ARL17A: variants seen among roughly 807,000 people sequenced by gnomAD.
ARL17A encodes ARF like GTPase 17A, also known as ADP-ribosylation factor-like 17-like.
intron 3 of ARL17A, among the ~76,000 whole-genome samples, chr17:46,540,480 C>T (rs1467444699): frequency 1.4e-5 from 2 of 147,828 alleles, no homozygotes; most frequent in Non-Finnish European, 1.5e-5. Flanking sequence ...AACATGTAGA[C>T]ACATGGAGGA....
the ARL17A span, among the ~76,000 whole-genome samples, chr17:46,502,525 C>G: frequency 6.6e-6 from 1 of 150,978 alleles, no homozygotes; most frequent in Non-Finnish European, 1.5e-5. Context: ...TGGTCTCGAA[C>G]TCCTGACCTC....
At chr17:46,532,110 G>A (rs113652086) in intron 4 of ARL17A, among the ~76,000 whole-genome samples, 11,151 of 135,952 alleles carry the variant, frequency 0.082, 5 homozygotes, top group Non-Finnish European at 0.13. Context: ...CGTTTATCAG[G>A]CTGCTCTCGA....
At chr17:46,542,823 C>A (rs538422412) in intron 3 of ARL17A, among the ~76,000 whole-genome samples, 1 of 150,758 alleles carries the variant, frequency 6.6e-6, no homozygotes, top group African/African-American at 2.5e-5. Context: ...ATATGGCAAG[C>A]TAAATAGAGA....
At chr17:46,542,629 A>T (rs2145613522) in intron 3 of ARL17A, among the ~76,000 whole-genome samples, 1 of 150,422 alleles carries the variant, frequency 6.6e-6, no homozygotes, top group South Asian at 2.1e-4. Context: ...CAGGAGGTGG[A>T]GGTTGCAGTG....
rs374197455 is a variant in ARL17A, at chr17:46,533,993, T to G, written c.335+4358A>C. On this transcript the variant is annotated intron_variant, in intron 4 of 4. Coordinates refer to the ARL17A transcript ENST00000329240. ...ACTTTGAATATGCCATTTCATTGCCTTTTGTCCTCCAGTGTTGTGTGTGGT... is the reference window on the plus strand; with the variant it reads ...ACTTTGAATATGCCATTTCATTGCCGTTTGTCCTCCAGTGTTGTGTGTGGT... 6.2e-4 allele frequency among the ~76,000 whole-genome samples: 77 copies of G among 123,562 alleles called. No individual in the cohort carries two copies. The East Asian group carries it at 0.015, about 24-fold the overall frequency. 81.1% of individuals were successfully genotyped at this position (123,562 alleles called of 152,430 possible).
intron 2 of ARL17A, among the ~76,000 whole-genome samples, chr17:46,573,060 C>T (rs1209311098): frequency 9.9e-5 from 11 of 111,672 alleles, no homozygotes; most frequent in Admixed American, 4.9e-4. Context: ...TAGCGGCTTC[C>T]CACACCCAAA....
chr17:46,548,335 C>G, downstream of ARL17A: 1 of 485,262 alleles, frequency 2.1e-6, no homozygotes, highest in Non-Finnish European at 3.3e-6. Flanking sequence ...GGTAGGGAAT[C>G]CAGAAGGAGC....
chr17:46,545,218 G>GCC (rs2145698822), intron 3 of ARL17A, among the ~76,000 whole-genome samples: 2 of 136,060 alleles, frequency 1.5e-5, no homozygotes, highest in South Asian at 4.5e-4. Flanking sequence ...GATTGCTTGA[G>GCC]CCCAGGAGTT....
rs1314412757 is a variant in ARL17A at position 46,532,225 on chromosome 17, AAAAC to A, written c.336-3370_336-3367del. Among the ~76,000 whole-genome samples, 55 of 148,792 alleles carry A rather than the reference AAAAC, an allele frequency of 3.7e-4. No homozygotes were observed. In the East Asian group the frequency reaches 9.6e-3, roughly 26 times the overall value. On this transcript the variant is annotated intron_variant, in intron 4 of 4. Transcript: ENST00000329240. ...ATAAATGAAAACTTTTTCACTCAAA[AAAAC>A]AACAATTGTAGTGAAACCATAGATC...
At chr17:46,558,821 G>A (rs1329541527) in intron 3 of ARL17A, 1 of 123,536 alleles carries the variant, frequency 8.1e-6, no homozygotes, top group African/African-American at 3.1e-5. Flanking sequence ...CCCAGAAAAA[G>A]GGACCTCTTT....
intron 2 of ARL17A, among the ~76,000 whole-genome samples, chr17:46,573,048 C>T (rs1216428854): frequency 5.2e-5 from 6 of 114,874 alleles, no homozygotes; most frequent in African/African-American, 2.1e-4. Context: ...AAGATGTCCC[C>T]TTAGCGGCTT....
intron 3 of ARL17A, among the ~76,000 whole-genome samples, chr17:46,541,247 G>A (rs1207808714): frequency 1.3e-5 from 2 of 150,432 alleles, no homozygotes; most frequent in Non-Finnish European, 2.9e-5. Flanking sequence ...CTTTCACAAA[G>A]CCTAATTTTT....
chr17:46,522,483 C>T (rs2052402212), intron 3 of ARL17A, among the ~76,000 whole-genome samples: 3 of 121,958 alleles, frequency 2.5e-5, no homozygotes, highest in East Asian at 2.4e-4. Context: ...CTCGCTCTGT[C>T]GCCCAGGCTG....
chr17:46,532,281 C>A (rs998128256), intron 4 of ARL17A, among the ~76,000 whole-genome samples: 1 of 149,604 alleles, frequency 6.7e-6, no homozygotes, highest in Non-Finnish European at 1.5e-5. Context: ...CTATTATTAT[C>A]TGCTTCATGT....
At position 46,535,234 on chromosome 17, in the gene ARL17A, T is replaced by C. The variant is rs1393946717; in HGVS notation, c.335+3117A>G. ...GAAGAGAAATTAGCTATTAATCTTATTGAGGATCCCTTGTATGTGATGAGT... is the reference window on the plus strand; with the variant it reads ...GAAGAGAAATTAGCTATTAATCTTACTGAGGATCCCTTGTATGTGATGAGT... On this transcript the variant is annotated intron_variant, in intron 4 of 4. Transcript: ENST00000329240. Among the ~76,000 whole-genome samples the C allele has an allele frequency of 1.7e-4, 25 of 148,854 alleles. 1 individual carries two copies. Among genetic ancestry groups the C allele is most frequent in the Non-Finnish European group, 2.9e-4 (20 of 67,870 alleles).
At chr17:46,516,302 C>CA (rs1159712527), downstream of ARL17A, among the ~76,000 whole-genome samples, 1,703 of 63,116 alleles carry the variant, frequency 0.027, 557 homozygotes, top group Non-Finnish European at 0.049. Flanking sequence ...GACTCCATCT[C>CA]AAAAAAAAAA....
At chr17:46,505,707 C>CT in the ARL17A span, among the ~76,000 whole-genome samples, 14 of 41,252 alleles carry the variant, frequency 3.4e-4, no homozygotes, top group Admixed American at 3.3e-3. Context: ...AAGTGATCCT[C>CT]TTCCCCCAGG....
intron 3 of ARL17A, among the ~76,000 whole-genome samples, chr17:46,543,896 T>G (rs1344062118): frequency 1.1e-4 from 17 of 148,886 alleles, no homozygotes; most frequent in Non-Finnish European, 2.2e-4. Context: ...GAGAGAGGGT[T>G]GCTTGTGCCC....
chr17:46,545,471 TTGG>T (rs2056155578), intron 3 of ARL17A, among the ~76,000 whole-genome samples: 1 of 113,840 alleles, frequency 8.8e-6, no homozygotes, highest in Admixed American at 9.1e-5. Flanking sequence ...AATTTTCCCC[TTGG>T]TAATTAATAA....
Sources: allele counts gnomAD v4.1 joint callset (sites outside exome capture counted in the v4.1 genomes callset), GRCh38; gene constraint gnomAD v4.1.1; transcripts MANE v1.5; gene names NCBI Gene and HGNC (gene_info 2026-07-23, HGNC 2026-07-21).